The following DMD variants were observed in gnomAD, a reference collection of about 807,000 sequenced individuals.
DMD encodes the protein dystrophin, also known as mutant dystrophin.
DMD carries 63 observed loss-of-function variants against 330.1 expected under a neutral mutation model. The observed-to-expected ratio is 0.19, with a 90% CI of 0.16 to 0.24. The LOEUF is 0.24. DMD is among the 10% of genes least tolerant of loss of function. The pLI is 1.00. For missense variants in DMD, 3,344 were observed against 2,684.1 expected (o/e 1.25, Z -5.43); for synonymous variants, 1,223 against 959.8 (o/e 1.27, Z -5.07).
At position 33,259,597 on chromosome X, in the gene DMD, GC is replaced by G. The variant is rs34830749; in HGVS notation, c.7+79661del. On this transcript the variant is annotated intron_variant, in intron 1 of 17. Transcript: ENST00000288447. ...AGTGTAATGTAAATATTTCAAAATC[GC>G]CCCCCCCCCCCAAAAAAAAAAAGGA... Among the ~76,000 whole-genome samples, 146 of 15,793 alleles carry G rather than the reference GC, an allele frequency of 9.2e-3. 6 individuals are homozygous for G. Among genetic ancestry groups the G allele is most frequent in the African/African-American group, 0.032 (120 of 3,783 alleles). 13.7% of individuals were successfully genotyped at this position (15,793 alleles called of 115,157 possible). A position where few individuals can be genotyped will look rare whatever the true frequency, so the allele number is the denominator to read the frequency against.
At position 31,121,943 on chromosome X, in the gene DMD, G is replaced by GAGAA; in HGVS notation, c.11047-17_11047-14dup. The GAGAA allele has an allele frequency of 2.6e-6, 3 of 1,143,657 alleles. No individual in the cohort carries two copies. The highest frequency in any genetic ancestry group is 1.8e-5 in the African/African-American group (1 of 56,538). 94.3% of individuals were successfully genotyped at this position (1,143,657 alleles called of 1,213,427 possible). A position where few individuals can be genotyped will look rare whatever the true frequency, so the allele number is the denominator to read the frequency against. ...CCTACATTGTGTCCTGGAAAACAAA[G>GAGAA]AGAAAGAAAGACAGACTTTACAAAA... On this transcript the variant is annotated splice_polypyrimidine_tract_variant and intron_variant, in intron 78 of 78. Transcript: ENST00000357033.
chrX:32,868,019 C>T (rs1212287013), intron 2 of DMD, among the ~76,000 whole-genome samples: 3 of 110,022 alleles, frequency 2.7e-5, no homozygotes, highest in Non-Finnish European at 5.7e-5. Context: ...CCTGCACCAG[C>T]AACAGAGGTG....
intron 59 of DMD, among the ~76,000 whole-genome samples, chrX:31,458,541 C>G (rs2066331351): frequency 9.6e-6 from 1 of 104,157 alleles, no homozygotes; most frequent in Non-Finnish European, 2.0e-5. Context: ...AAAAATCACT[C>G]ATTGGCCAAA....
intron 7 of DMD, among the ~76,000 whole-genome samples, chrX:32,772,722 T>C (rs1431438977): frequency 9.0e-6 from 1 of 111,491 alleles, no homozygotes; most frequent in Non-Finnish European, 1.9e-5. Flanking sequence ...CCCTGTATCC[T>C]AAAGAGTTAA....
intron 49 of DMD, among the ~76,000 whole-genome samples, chrX:31,833,303 A>G (rs2093103978): frequency 1.9e-5 from 1 of 52,989 alleles, no homozygotes; most frequent in African/African-American, 1.2e-4. Flanking sequence ...GGAGAGAGGG[A>G]GAGAGGGAGA....
At chrX:32,289,110 G>A (rs1034058809) in intron 42 of DMD, among the ~76,000 whole-genome samples, 10 of 111,515 alleles carry the variant, frequency 9.0e-5, no homozygotes, top group African/African-American at 3.3e-4. Context: ...GAATATATTT[G>A]CTGTTTTACT....
At chrX:32,513,830 G>T (rs146392062) in intron 18 of DMD, among the ~76,000 whole-genome samples, 73 of 111,213 alleles carry the variant, frequency 6.6e-4, no homozygotes, top group African/African-American at 2.2e-3. Context: ...AGAAACACAA[G>T]GACTCTGAAG....
chrX:32,980,642 A>T (rs747475290), intron 2 of DMD, among the ~76,000 whole-genome samples: 1 of 110,441 alleles, frequency 9.1e-6, no homozygotes, highest in East Asian at 2.9e-4. Flanking sequence ...CCTTCATAGT[A>T]CAAGGAAACA....
chrX:31,438,354 C>G (rs747823612), intron 60 of DMD, among the ~76,000 whole-genome samples: 15 of 111,735 alleles, frequency 1.3e-4, no homozygotes, highest in Non-Finnish European at 1.5e-4. Context: ...GATTCAGCAG[C>G]ATTAGCCTCA....
intron 1 of DMD, among the ~76,000 whole-genome samples, chrX:33,283,058 T>A (rs1179883331): frequency 1.8e-5 from 2 of 112,097 alleles, no homozygotes; most frequent in African/African-American, 6.5e-5. Flanking sequence ...GAAATGGAAT[T>A]CTCAGTCTTG....
rs150197481 is a variant in DMD at position 32,540,110 on chromosome X, T to C, written c.2168+5049A>G. On this transcript the variant is annotated intron_variant, in intron 17 of 78. Transcript: ENST00000357033. Reference sequence around the variant, plus strand: ...AGCTTTTTTTAAAAATCCCTTAAAATAACTGCTACATGATTAGGAAGTAAT... The same window carrying C: ...AGCTTTTTTTAAAAATCCCTTAAAACAACTGCTACATGATTAGGAAGTAAT... 6.2e-3 allele frequency among the ~76,000 whole-genome samples: 691 copies of C among 111,772 alleles called. 3 individuals are homozygous for C. The highest frequency in any genetic ancestry group is 0.021 in the African/African-American group (659 of 30,789).
At chrX:32,910,549 C>T (rs2087137965) in intron 2 of DMD, among the ~76,000 whole-genome samples, 1 of 111,128 alleles carries the variant, frequency 9.0e-6, no homozygotes, top group Non-Finnish European at 1.9e-5. Context: ...ATTCTCCTGC[C>T]TCAGCCTCCT....
chrX:33,030,005 T>C (rs1008658456), intron 1 of DMD, among the ~76,000 whole-genome samples: 2 of 111,585 alleles, frequency 1.8e-5, no homozygotes, highest in African/African-American at 6.5e-5. Flanking sequence ...CAGTTTCACA[T>C]CTCATTATCT....
rs767993498 is a variant in DMD at position 32,312,942 on chromosome X, C to CAAAAAAAAA, written c.5923-2675_5923-2667dup. On this transcript the variant is annotated intron_variant, in intron 41 of 78. Coordinates refer to ENST00000357033, the MANE Select transcript of DMD (RefSeq NM_004006.3). ...ATTGAGGCAGTAATAGCCTACGAACCAAAAAAAAAAAAAAAAAAAAAAGCC... is the reference window on the plus strand; with the variant it reads ...ATTGAGGCAGTAATAGCCTACGAACCAAAAAAAAAAAAAAAAAAAAAAAAAAAAAAAGCC... Among the ~76,000 whole-genome samples, 80 of 20,390 alleles carry CAAAAAAAAA rather than the reference C, an allele frequency of 3.9e-3. 9 individuals carry two copies. Among genetic ancestry groups the CAAAAAAAAA allele is most frequent in the East Asian group, 6.2e-3 (2 of 325 alleles). The allele number at this position is 20,390 out of a possible 115,157, so 17.7% of individuals were successfully genotyped here.
intron 15 of DMD, among the ~76,000 whole-genome samples, chrX:32,567,100 G>T (rs1208449916): frequency 1.8e-5 from 2 of 111,448 alleles, no homozygotes. Flanking sequence ...GCCCATTTTG[G>T]CATGGCACCT....
intron 2 of DMD, among the ~76,000 whole-genome samples, chrX:32,974,753 T>C (rs2092487941): frequency 8.9e-6 from 1 of 111,857 alleles, no homozygotes; most frequent in East Asian, 2.8e-4. Context: ...GTTTCCCTCA[T>C]TGTTTGCTAC....
intron 2 of DMD, among the ~76,000 whole-genome samples, chrX:32,902,030 T>C (rs1293051895): frequency 1.8e-5 from 2 of 110,128 alleles, no homozygotes; most frequent in Non-Finnish European, 3.8e-5. Context: ...TATTAATTTT[T>C]GTAAGAATAT....
intron 1 of DMD, among the ~76,000 whole-genome samples, chrX:33,021,594 A>G (rs2093915569): frequency 9.0e-6 from 1 of 111,525 alleles, no homozygotes; most frequent in South Asian, 3.7e-4. Flanking sequence ...TCGCATAACA[A>G]ATATATGCAT....
chrX:32,808,588 T>C (rs1450749013), intron 7 of DMD, among the ~76,000 whole-genome samples: 2 of 97,728 alleles, frequency 2.0e-5, no homozygotes, highest in Non-Finnish European at 3.8e-5. Flanking sequence ...CATTTTTGAG[T>C]TTTCTTGATG....
Sources: allele counts gnomAD v4.1 joint callset (sites outside exome capture counted in the v4.1 genomes callset), GRCh38; gene constraint gnomAD v4.1.1; transcripts MANE v1.5; gene names NCBI Gene and HGNC (gene_info 2026-07-23, HGNC 2026-07-21).